The following PIP4K2A variants were observed in gnomAD, a reference collection of about 807,000 sequenced individuals.
PIP4K2A encodes phosphatidylinositol 5-phosphate 4-kinase type-2 alpha.
In PIP4K2A, 14 loss-of-function variants were observed where a neutral mutation model predicts 42.9. The ratio of observed to expected loss-of-function variants is 0.33; its 90% CI spans 0.22 to 0.51. The LOEUF (loss-of-function observed/expected upper bound fraction) is 0.51, where lower values mean the gene tolerates loss of function less well. Among genes scored for constraint, PIP4K2A ranks in the 20% least tolerant of loss-of-function variants. The pLI is 0.97. For synonymous variants in PIP4K2A, 192 were observed against 192.2 expected (o/e 1.00, Z 0.01); for missense variants, 434 against 519.8 (o/e 0.83, Z 1.61).
intron 1 of PIP4K2A, among the ~76,000 whole-genome samples, chr10:22,616,991 C>A (rs1838189605): frequency 6.6e-6 from 1 of 152,218 alleles, no homozygotes; most frequent in Non-Finnish European, 1.5e-5. Context: ...GTCTCAGTTT[C>A]CTTCATGAAA....
chr10:22,584,107 T>C (rs551323869), intron 4 of PIP4K2A, among the ~76,000 whole-genome samples: 6 of 152,216 alleles, frequency 3.9e-5, no homozygotes, highest in African/African-American at 1.4e-4. Flanking sequence ...TGTGTGAGAG[T>C]TGGCAGACCA....
At chr10:22,711,004 G>C (rs1194124521) in intron 1 of PIP4K2A, among the ~76,000 whole-genome samples, 1 of 152,138 alleles carries the variant, frequency 6.6e-6, no homozygotes, top group Non-Finnish European at 1.5e-5. Context: ...GACGCTTACT[G>C]TTTGATCATT....
chr10:22,544,224 G>A (rs7901152), intron 7 of PIP4K2A, among the ~76,000 whole-genome samples: 100,641 of 151,700 alleles, frequency 0.66, 33,650 homozygotes, highest in South Asian at 0.76. Flanking sequence ...CTGCTTTCCC[G>A]TCAGAATGAC....
At chr10:22,591,826 C>A in intron 3 of PIP4K2A, 45 bp from the exon 4 acceptor site, 1 of 1,535,472 alleles carries the variant, frequency 6.5e-7, no homozygotes, top group South Asian at 1.2e-5. Flanking sequence ...GGGAAGATAA[C>A]TAGTTAAAGG....
intron 1 of PIP4K2A, among the ~76,000 whole-genome samples, chr10:22,652,894 G>C (rs751272482): frequency 1.3e-5 from 2 of 152,174 alleles, no homozygotes; most frequent in African/African-American, 2.4e-5. Flanking sequence ...AGTAGTTTGA[G>C]ACCAGCCTGA....
rs190997015 is a variant in PIP4K2A, at chr10:22,665,875, C to T, written c.144+48308G>A. Reference sequence around the variant, plus strand: ...ATATATATACATATATATACACACACACAGTTTTACTAATCAGTACTTTTA... The same window carrying T: ...ATATATATACATATATATACACACATACAGTTTTACTAATCAGTACTTTTA... On this transcript the variant is annotated intron_variant, in intron 1 of 9. Transcript: ENST00000376573. 4.6e-5 allele frequency among the ~76,000 whole-genome samples: 7 copies of T among 151,958 alleles called. No homozygotes were observed. The East Asian group carries it at 1.4e-3, about 29-fold the overall frequency.
At chr10:22,684,124 C>G (rs1456783899) in intron 1 of PIP4K2A, among the ~76,000 whole-genome samples, 1 of 152,120 alleles carries the variant, frequency 6.6e-6, no homozygotes, top group East Asian at 1.9e-4. Flanking sequence ...ATTTAGTATG[C>G]CAACTTCCCC....
intron 5 of PIP4K2A, among the ~76,000 whole-genome samples, chr10:22,570,150 T>C (rs569541787): frequency 6.6e-5 from 10 of 152,122 alleles, no homozygotes; most frequent in African/African-American, 1.7e-4. Flanking sequence ...GGAGAATGAA[T>C]GAGGCAACCA....
intron 6 of PIP4K2A, among the ~76,000 whole-genome samples, chr10:22,559,829 G>A (rs1267807445): frequency 1.3e-5 from 2 of 152,168 alleles, no homozygotes; most frequent in African/African-American, 2.4e-5. Context: ...ACAGCATGAG[G>A]AGCAATGACG....
intron 4 of PIP4K2A, among the ~76,000 whole-genome samples, chr10:22,582,891 T>TAAA (rs57477195): frequency 5.7e-4 from 67 of 118,462 alleles, no homozygotes; most frequent in Middle Eastern, 4.4e-3. Context: ...CGTCTTGAAG[T>TAAA]AAAAAAAAAA....
intron 6 of PIP4K2A, among the ~76,000 whole-genome samples, chr10:22,557,230 A>G (rs1016438127): frequency 6.6e-6 from 1 of 152,234 alleles, no homozygotes; most frequent in South Asian, 2.1e-4. Context: ...GCCTTTTAGC[A>G]GAGACCTGTG....
chr10:22,609,601 A>T lies in PIP4K2A; in HGVS notation c.242+19T>A. 7.3e-7 allele frequency: 1 copy of T among 1,362,948 alleles called. No individual in the cohort carries two copies. Among genetic ancestry groups the T allele is most frequent in the Non-Finnish European group, 1.0e-6 (1 of 954,234 alleles). The allele number at this position is 1,362,948 out of a possible 1,614,324, so 84.4% of individuals were successfully genotyped here. A position where few individuals can be genotyped will look rare whatever the true frequency, so the allele number is the denominator to read the frequency against. On this transcript the variant is annotated intron_variant, in intron 2 of 9. Transcript: ENST00000376573. ...CTAGCAGCCACGCTAGTCTTATGAAAGGTCATACTTGTACTTACTTGTTAA... is the reference window on the plus strand; with the variant it reads ...CTAGCAGCCACGCTAGTCTTATGAATGGTCATACTTGTACTTACTTGTTAA...
At chr10:22,546,778 C>T (rs1431300504) in intron 7 of PIP4K2A, among the ~76,000 whole-genome samples, 3 of 152,120 alleles carry the variant, frequency 2.0e-5, no homozygotes, top group African/African-American at 4.8e-5. Context: ...TGAGATTTTT[C>T]GTGGGCTGGA....
At chr10:22,625,895 G>T (rs1294280125) in intron 1 of PIP4K2A, among the ~76,000 whole-genome samples, 1 of 152,178 alleles carries the variant, frequency 6.6e-6, no homozygotes, top group Non-Finnish European at 1.5e-5. Context: ...ACTCAGGAGG[G>T]AGGGGAAATG....
intron 1 of PIP4K2A, among the ~76,000 whole-genome samples, chr10:22,698,343 C>T (rs1840010738): frequency 6.6e-6 from 1 of 152,180 alleles, no homozygotes; most frequent in Non-Finnish European, 1.5e-5. Context: ...CAGCTCTTAG[C>T]CACACTGCTA....
At chr10:22,554,457 CT>C (rs1836484964) in intron 6 of PIP4K2A, among the ~76,000 whole-genome samples, 1 of 152,174 alleles carries the variant, frequency 6.6e-6, no homozygotes, top group African/African-American at 2.4e-5. Context: ...ATTATTTGCG[CT>C]TAGAGTTTTC....
chr10:22,572,634 G>C (rs1837017758), intron 5 of PIP4K2A, among the ~76,000 whole-genome samples: 1 of 151,884 alleles, frequency 6.6e-6, no homozygotes, highest in Admixed American at 6.6e-5. Context: ...AGAAAAAAAA[G>C]TCCCTCAAGT....
At chr10:22,650,187 GATCT>G (rs1029818332) in intron 1 of PIP4K2A, among the ~76,000 whole-genome samples, 1 of 152,190 alleles carries the variant, frequency 6.6e-6, no homozygotes, top group Admixed American at 6.5e-5. Context: ...CAGCTCTGAT[GATCT>G]ATCAGAGGTA....
chr10:22,660,627 T>G (rs1033676658), intron 1 of PIP4K2A, among the ~76,000 whole-genome samples: 7 of 152,184 alleles, frequency 4.6e-5, no homozygotes, highest in Non-Finnish European at 8.8e-5. Context: ...TATCTCACTT[T>G]GCACAAAAGA....
Sources: gnomAD v4.1 joint callset for allele counts (sites outside exome capture counted in the v4.1 genomes callset) on GRCh38, gnomAD v4.1.1 for gene constraint, MANE v1.5 for transcripts, NCBI Gene and HGNC (gene_info 2026-07-23, HGNC 2026-07-21) for gene names.